The following TNRC6C variants were observed in gnomAD, a reference collection of about 807,000 sequenced individuals.
TNRC6C encodes the protein trinucleotide repeat-containing gene 6C protein.
A neutral mutation model predicts 153.7 loss-of-function variants in TNRC6C; 20 were observed. The ratio of observed to expected loss-of-function variants is 0.13; its 90% CI spans 0.09 to 0.19. The LOEUF is 0.19. TNRC6C is among the 10% of genes least tolerant of loss of function. The pLI is 1.00. For synonymous variants in TNRC6C, 811 were observed against 841.4 expected, an observed-to-expected ratio of 0.96 and a Z score of 0.63; for missense variants, 1,987 against 2,172.0, an observed-to-expected ratio of 0.91 and a Z score of 1.69.
intron 1 of TNRC6C, among the ~76,000 whole-genome samples, chr17:78,013,957 A>C (rs2071682641): frequency 6.6e-6 from 1 of 152,226 alleles, no homozygotes; most frequent in Admixed American, 6.5e-5. Context: ...AGGCTTTTCC[A>C]AATCAGTTTG....
chr17:78,084,212 A>C (rs969178048), intron 11 of TNRC6C, among the ~76,000 whole-genome samples: 2 of 151,402 alleles, frequency 1.3e-5, no homozygotes, highest in African/African-American at 4.9e-5. Context: ...TGAACCTGGA[A>C]GGCGGAGGTT....
chr17:78,077,407 AACTT>A lies in TNRC6C; in HGVS notation c.3210+79_3210+82del, dbSNP rs1310052624. The A allele has an allele frequency of 8.5e-6, 13 of 1,529,502 alleles. No individual in the cohort carries two copies. The East Asian group carries it at 9.8e-5, about 12-fold the overall frequency. 94.7% of individuals were successfully genotyped at this position (1,529,502 alleles called of 1,614,324 possible). A position where few individuals can be genotyped will look rare whatever the true frequency, so the allele number is the denominator to read the frequency against. ...TTCTAAAAAATGTGTTTGAGACATA[AACTT>A]ACTTATTTATAGTTAATACCTCTAT... On this transcript the variant is annotated intron_variant, in intron 9 of 19. Coordinates refer to ENST00000301624, the Ensembl canonical transcript of TNRC6C.
intron 1 of TNRC6C, among the ~76,000 whole-genome samples, chr17:78,018,697 G>A (rs1463731368): frequency 6.6e-6 from 1 of 152,114 alleles, no homozygotes; most frequent in East Asian, 1.9e-4. Context: ...TCTCTACTAA[G>A]ATGTGAGCTC....
At position 78,079,579 on chromosome 17, in the gene TNRC6C, A is replaced by T. The variant is rs779692265; in HGVS notation, c.3357+38A>T. ...TCCAAGCAGGACTGAGCAACAGGAT[A>T]TAGATGCCAGTGTTTCGTGGGGTCC... On this transcript the variant is annotated intron_variant, in intron 10 of 19. Transcript: ENST00000301624. This position sits in a 1 kb window ranked among gnomAD's most constrained non-coding sequence, Gnocchi z 4.3. 6.2e-7 allele frequency: 1 copy of T among 1,603,198 alleles called. No individual in the cohort carries two copies. Among genetic ancestry groups the T allele is most frequent in the East Asian group, 2.2e-5 (1 of 44,596 alleles).
At chr17:78,034,192 G>A (rs1162113809) in intron 2 of TNRC6C, among the ~76,000 whole-genome samples, 2 of 151,664 alleles carry the variant, frequency 1.3e-5, no homozygotes, top group Non-Finnish European at 2.9e-5. Flanking sequence ...TGAGTAGCTG[G>A]GATTACAGGC....
At chr17:78,094,400 C>G (rs1406962824) in intron 16 of TNRC6C, among the ~76,000 whole-genome samples, 2 of 151,482 alleles carry the variant, frequency 1.3e-5, no homozygotes, top group Non-Finnish European at 1.5e-5. Context: ...TGAAATATGA[C>G]TCATTGGAGC....
intron 4 of TNRC6C, 138 bp downstream of exon 6, chr17:78,065,075 A>C: frequency 1.0e-6 from 1 of 995,166 alleles, no homozygotes; most frequent in Admixed American, 2.6e-5. Flanking sequence ...TTGGCCAAGC[A>C]CAGTGCCTCA....
intron 1 of TNRC6C, among the ~76,000 whole-genome samples, chr17:78,029,033 T>C (rs1352777902): frequency 6.6e-6 from 1 of 152,208 alleles, no homozygotes; most frequent in African/African-American, 2.4e-5. Flanking sequence ...ACTCTTCTGC[T>C]CCTTTTTTAA....
chr17:78,087,090 C>T, exon 13 of TNRC6C: 2 of 1,613,138 alleles, frequency 1.2e-6, no homozygotes, highest in Non-Finnish European at 1.7e-6. Flanking sequence ...TCCTTACCCT[C>T]TCGGTGAGTG....
At chr17:78,024,556 G>T (rs2143606793) in intron 1 of TNRC6C, among the ~76,000 whole-genome samples, 1 of 151,996 alleles carries the variant, frequency 6.6e-6, no homozygotes, top group South Asian at 2.1e-4. Flanking sequence ...TAGTAGAGAC[G>T]GGGTTTCACC....
chr17:78,051,056 A>C (rs917756701), exon 3 of TNRC6C: 4 of 1,610,860 alleles, frequency 2.5e-6, no homozygotes, highest in Non-Finnish European at 3.4e-6. Flanking sequence ...GGCCCCCAAC[A>C]GAACTGGGCT....
chr17:77,987,483 C>T (rs1353113758), intron 1 of TNRC6C, among the ~76,000 whole-genome samples: 1 of 152,136 alleles, frequency 6.6e-6, no homozygotes, highest in Non-Finnish European at 1.5e-5. Flanking sequence ...GAAATCTCTC[C>T]TAAGACAATC....
chr17:77,967,585 C>T (rs1461028770), intron 1 of TNRC6C, among the ~76,000 whole-genome samples: 1 of 152,158 alleles, frequency 6.6e-6, no homozygotes, highest in African/African-American at 2.4e-5. Flanking sequence ...CTACTGTTTT[C>T]TGTAGGGTAC....
exon 14 of TNRC6C, chr17:78,091,578 C>G (rs771204503): frequency 6.3e-7 from 1 of 1,577,042 alleles, no homozygotes; most frequent in South Asian, 1.2e-5. Flanking sequence ...AGTGCCGCTT[C>G]CCCCCTGGAG....
At chr17:78,102,605 C>A in intron 18 of TNRC6C, 61 bp downstream of exon 21, 1 of 1,512,080 alleles carries the variant, frequency 6.6e-7, no homozygotes, top group South Asian at 1.2e-5. Flanking sequence ...GCTTGGCCCC[C>A]AATGCAGATG....
At chr17:77,958,403 A>AGCGCGCACC (rs1323438452), upstream of TNRC6C, among the ~76,000 whole-genome samples, 4 of 151,756 alleles carry the variant, frequency 2.6e-5, no homozygotes, top group East Asian at 7.9e-4. Flanking sequence ...GGCCACTCGG[A>AGCGCGCACC]GCGCGCACCG....
exon 20 of TNRC6C, chr17:78,107,994 C>T (rs2073733537): frequency 6.6e-6 from 1 of 152,242 alleles, no homozygotes; most frequent in African/African-American, 2.4e-5. Context: ...ACCCCAGAAT[C>T]TCAGGTGGCA....
At chr17:77,977,962 C>T (rs1396146176) in intron 1 of TNRC6C, among the ~76,000 whole-genome samples, 1 of 136,946 alleles carries the variant, frequency 7.3e-6, no homozygotes, top group Admixed American at 8.1e-5. Context: ...GTGGCGCAAT[C>T]TCGGCTCACT....
chr17:78,056,424 C>T (rs896947115), intron 3 of TNRC6C, among the ~76,000 whole-genome samples: 1 of 151,034 alleles, frequency 6.6e-6, no homozygotes, highest in African/African-American at 2.4e-5. Flanking sequence ...TCCCAAAGTG[C>T]TGGGATTACA....
Sources: allele counts gnomAD v4.1 joint callset (sites outside exome capture counted in the v4.1 genomes callset), GRCh38; gene constraint gnomAD v4.1.1; non-coding constraint Gnocchi (gnomAD v3.1); transcripts MANE v1.5; gene names NCBI Gene and HGNC (gene_info 2026-07-23, HGNC 2026-07-21).